STXBP5L: variants seen among roughly 807,000 people sequenced by gnomAD.
The protein encoded by STXBP5L is syntaxin binding protein 5L, also known as syntaxin-binding protein 5-like.
Under a neutral mutation model 144.5 loss-of-function variants are expected in STXBP5L, and 65 were observed. The observed-to-expected ratio is 0.45, with a 90% CI of 0.37 to 0.55. STXBP5L has a LOEUF of 0.55. STXBP5L is among the 20% of genes least tolerant of loss of function. The pLI is 0.00. For missense variants in STXBP5L, 1,298 were observed against 1,405.5 expected (o/e 0.92, Z 1.22); for synonymous variants, 505 against 469.6 (o/e 1.08, Z -0.97).
intron 7 of STXBP5L, among the ~76,000 whole-genome samples, chr3:121,141,087 A>T (rs974919219): frequency 6.6e-6 from 1 of 152,188 alleles, no homozygotes; most frequent in Admixed American, 6.5e-5. Flanking sequence ...AGTATGTTAA[A>T]CAGCAATGCA....
chr3:120,951,008 A>T (rs1711182211), intron 2 of STXBP5L, among the ~76,000 whole-genome samples: 1 of 152,108 alleles, frequency 6.6e-6, no homozygotes, highest in South Asian at 2.1e-4. Flanking sequence ...GCATATCTAC[A>T]ACTATCTGAT....
chr3:121,294,320 T>G (rs1432835633), intron 19 of STXBP5L, among the ~76,000 whole-genome samples: 1 of 152,232 alleles, frequency 6.6e-6, no homozygotes, highest in Non-Finnish European at 1.5e-5. Flanking sequence ...GAATCAAAGA[T>G]TATTCCCAGA....
At chr3:121,029,615 G>T (rs1432998851) in intron 3 of STXBP5L, among the ~76,000 whole-genome samples, 1 of 152,062 alleles carries the variant, frequency 6.6e-6, no homozygotes, top group Admixed American at 6.6e-5. Context: ...CAGGACATAG[G>T]CATGGGCAAA....
At chr3:121,384,229 A>C (rs79449611) in intron 22 of STXBP5L, among the ~76,000 whole-genome samples, 2,250 of 152,240 alleles carry the variant, frequency 0.015, 27 homozygotes, top group Middle Eastern at 0.027. Flanking sequence ...AGAAAGTATA[A>C]TAATGGAAAT....
intron 19 of STXBP5L, among the ~76,000 whole-genome samples, chr3:121,302,436 T>C (rs2108493334): frequency 6.6e-6 from 1 of 152,324 alleles, no homozygotes; most frequent in South Asian, 2.1e-4. Flanking sequence ...TTTTCTCTTT[T>C]CTTCTTTATT....
chr3:120,974,817 T>G (rs1403838546), intron 3 of STXBP5L, among the ~76,000 whole-genome samples: 8 of 152,210 alleles, frequency 5.3e-5, no homozygotes, highest in Non-Finnish European at 1.2e-4. Context: ...CCCCATTTCT[T>G]GTTTTTGTCA....
intron 7 of STXBP5L, among the ~76,000 whole-genome samples, chr3:121,150,197 C>T (rs2045883104): frequency 6.6e-6 from 1 of 151,764 alleles, no homozygotes; most frequent in African/African-American, 2.4e-5. Context: ...CTATTTTTTT[C>T]AGACACTAGT....
chr3:121,272,042 C>A (rs2108421280), intron 18 of STXBP5L, among the ~76,000 whole-genome samples: 1 of 152,328 alleles, frequency 6.6e-6, no homozygotes, highest in Non-Finnish European at 1.5e-5. Context: ...TTTGGTCTAA[C>A]ATGTTATCTG....
Position 121,351,710 on chromosome 3 carries a change from T to A in STXBP5L, c.2177-27006T>A, listed in dbSNP as rs112992010. 3.9e-5 allele frequency among the ~76,000 whole-genome samples: 6 copies of A among 152,094 alleles called. No individual in the cohort carries two copies. In the East Asian group the frequency reaches 5.8e-4, roughly 15 times the overall value. ...TTAGTTTAATTAGATCCCATTTGTC[T>A]ATTTTGGCTTTTGTTGCCATTGCTT... On this transcript the variant is annotated intron_variant, in intron 20 of 26. Transcript: ENST00000471454.
chr3:121,117,077 G>A (rs1316335793), intron 6 of STXBP5L, among the ~76,000 whole-genome samples: 18 of 151,696 alleles, frequency 1.2e-4, no homozygotes, highest in Non-Finnish European at 8.8e-5. Flanking sequence ...ATTACTACGT[G>A]AACTAGTGAC....
chr3:121,194,555 A>T (rs2047844234), intron 9 of STXBP5L, among the ~76,000 whole-genome samples: 1 of 152,032 alleles, frequency 6.6e-6, no homozygotes, highest in South Asian at 2.1e-4. Flanking sequence ...AGAGGACATA[A>T]CAGACTGCTA....
rs2042001793 is a variant in STXBP5L, at chr3:121,075,920, C to A, written c.470+30385C>A. ...GCTTGTATAACTCTACAGTGCTCTT[C>A]TGTATTAAATAATGACAGAAGAAGT... is the stretch of plus-strand genomic sequence containing the variant. On this transcript the variant is annotated intron_variant, in intron 5 of 26. Transcript: ENST00000471454. Among the ~76,000 whole-genome samples, 3 of 152,140 alleles carry A rather than the reference C, an allele frequency of 2.0e-5. No individual in the cohort carries two copies. In the South Asian group the frequency reaches 6.2e-4, roughly 32 times the overall value.
intron 9 of STXBP5L, 54 bp from the exon 10 acceptor site, chr3:121,205,869 C>G: frequency 1.1e-6 from 1 of 948,696 alleles, no homozygotes; most frequent in Admixed American, 3.2e-5. Flanking sequence ...TTTTTTAATT[C>G]TTACAGATGA....
intron 10 of STXBP5L, among the ~76,000 whole-genome samples, chr3:121,214,210 A>G (rs1166246699): frequency 1.3e-5 from 2 of 152,052 alleles, no homozygotes; most frequent in Non-Finnish European, 2.9e-5. Context: ...TATCTCCTTC[A>G]GTTGCACTGT....
At chr3:121,212,969 T>C (rs1380585050) in intron 10 of STXBP5L, among the ~76,000 whole-genome samples, 1 of 152,208 alleles carries the variant, frequency 6.6e-6, no homozygotes, top group African/African-American at 2.4e-5. Flanking sequence ...TTATTCTCTT[T>C]GTAGCAATTG....
chr3:121,268,302 G>A (rs150243821), intron 18 of STXBP5L, among the ~76,000 whole-genome samples: 5,404 of 152,160 alleles, frequency 0.036, 145 homozygotes, highest in Middle Eastern at 0.082. Context: ...AACTAACACA[G>A]GAACAGAAAA....
At position 121,340,476 on chromosome 3, in the gene STXBP5L, C is replaced by T. The variant is rs751833016; in HGVS notation, c.2176+21936C>T. 1.5e-3 allele frequency among the ~76,000 whole-genome samples: 230 copies of T among 151,428 alleles called. 3 individuals are homozygous for T. The highest frequency in any genetic ancestry group is 2.2e-3 in the Non-Finnish European group (152 of 67,868). The stretch of plus-strand genomic sequence containing the variant: ...AGGTGTTTCTCCTAATGCTATCCTT[C>T]CCCCAGCCTCCCACCCCCCGACAGG... On this transcript the variant is annotated intron_variant, in intron 20 of 26. Transcript: ENST00000471454.
intron 3 of STXBP5L, among the ~76,000 whole-genome samples, chr3:120,964,012 T>C (rs1939227874): frequency 6.6e-6 from 1 of 152,246 alleles, no homozygotes; most frequent in African/African-American, 2.4e-5. Flanking sequence ...AGGGTGTATG[T>C]GTCGAGGAAT....
chr3:120,990,348 G>A (rs1347185778), intron 3 of STXBP5L, among the ~76,000 whole-genome samples: 1 of 152,158 alleles, frequency 6.6e-6, no homozygotes. Context: ...CTCATGGATA[G>A]GAAGAATCAA....
Sources: gnomAD v4.1 joint callset for allele counts (sites outside exome capture counted in the v4.1 genomes callset) on GRCh38, gnomAD v4.1.1 for gene constraint, MANE v1.5 for transcripts, NCBI Gene and HGNC (gene_info 2026-07-23, HGNC 2026-07-21) for gene names.